RAB37: variants seen among roughly 807,000 people sequenced by gnomAD.
RAB37 encodes the protein ras-related protein Rab-37.
RAB37 carries 29 observed loss-of-function variants against 33.1 expected under a neutral mutation model. The ratio of observed to expected loss-of-function variants is 0.88; its 90% CI spans 0.65 to 1.20. The LOEUF (loss-of-function observed/expected upper bound fraction) is 1.20, where lower values mean the gene tolerates loss of function less well. Among genes scored for constraint, RAB37 ranks in the 50% most tolerant of loss-of-function variants. RAB37 has a pLI of 0.00. For missense variants in RAB37, 299 were observed against 301.1 expected, an observed-to-expected ratio of 0.99 and a Z score of 0.05; for synonymous variants, 128 against 119.5, an observed-to-expected ratio of 1.07 and a Z score of -0.47.
intron 1 of RAB37, among the ~76,000 whole-genome samples, chr17:74,740,130 T>C (rs1332482925): frequency 6.7e-6 from 1 of 148,464 alleles, no homozygotes; most frequent in Non-Finnish European, 1.5e-5. Flanking sequence ...CACTCCAGCC[T>C]GGGCAACAAG....
At chr17:74,695,095 G>A (rs1301029510) in intron 1 of RAB37, 1 of 1,613,114 alleles carries the variant, frequency 6.2e-7, no homozygotes, top group African/African-American at 1.3e-5. Flanking sequence ...TGGAGTGCAG[G>A]CTAAGGCCTG....
intron 1 of RAB37, among the ~76,000 whole-genome samples, chr17:74,708,083 A>C (rs555700698): frequency 6.6e-6 from 1 of 150,836 alleles, no homozygotes; most frequent in Non-Finnish European, 1.5e-5. Context: ...AGGAGGTGGA[A>C]GTTTCAGTGA....
At chr17:74,696,027 C>T (rs904403651) in intron 1 of RAB37, among the ~76,000 whole-genome samples, 4 of 152,162 alleles carry the variant, frequency 2.6e-5, no homozygotes, top group African/African-American at 9.7e-5. Context: ...GCCCTTGTCC[C>T]CCTGGCTGTT....
intron 1 of RAB37, among the ~76,000 whole-genome samples, chr17:74,721,719 A>T (rs539071964): frequency 1.3e-5 from 2 of 152,120 alleles, no homozygotes; most frequent in Non-Finnish European, 1.5e-5. Flanking sequence ...ATGAGCCACC[A>T]CGCCTGGTCC....
At chr17:74,737,811 C>T (rs1462325913) in intron 1 of RAB37, among the ~76,000 whole-genome samples, 2 of 152,186 alleles carry the variant, frequency 1.3e-5, no homozygotes, top group Non-Finnish European at 2.9e-5. Context: ...ATCTGACATC[C>T]AGGTTTAAGG....
chr17:74,685,848 A>G (rs569966032), intron 1 of RAB37, among the ~76,000 whole-genome samples: 6 of 152,320 alleles, frequency 3.9e-5, no homozygotes, highest in African/African-American at 1.4e-4. Flanking sequence ...CACAAAGTGG[A>G]TTCAAGACCC....
chr17:74,676,031 C>A lies in RAB37; in HGVS notation c.72+4373C>A, dbSNP rs2031825400. 6.6e-6 allele frequency among the ~76,000 whole-genome samples: 1 copy of A among 152,182 alleles called. No homozygotes were observed. Among genetic ancestry groups the A allele is most frequent in the Non-Finnish European group, 1.5e-5 (1 of 68,038 alleles). ...TTAGAGAACTCTCAGTTCTCTCTTG[C>A]CACCAGCTTCAAGAGCCATCCAGGG... is the stretch of plus-strand genomic sequence containing the variant. On this transcript the variant is annotated intron_variant, in intron 1 of 7. Transcript: ENST00000340415. This position sits in a 1 kb window ranked among gnomAD's most constrained non-coding sequence, Gnocchi z 4.1.
chr17:74,695,665 G>A (rs2032379755), intron 1 of RAB37: 2 of 1,610,452 alleles, frequency 1.2e-6, no homozygotes, highest in Non-Finnish European at 8.5e-7. Context: ...CCAACGGGGT[G>A]CAACGGCAGG....
upstream of RAB37, among the ~76,000 whole-genome samples, chr17:74,735,720 G>A (rs1041133811): frequency 1.3e-5 from 2 of 152,174 alleles, no homozygotes; most frequent in African/African-American, 4.8e-5. Flanking sequence ...TCCAGAAGAG[G>A]TAACCCAAGC....
chr17:74,741,129 G>C (rs561702007), intron 2 of RAB37, among the ~76,000 whole-genome samples: 2 of 152,206 alleles, frequency 1.3e-5, no homozygotes, highest in South Asian at 2.1e-4. Flanking sequence ...CCATTCCTGG[G>C]GGACTTCTCC....
At chr17:74,722,200 G>A (rs1003782806) in intron 1 of RAB37, among the ~76,000 whole-genome samples, 16 of 151,556 alleles carry the variant, frequency 1.1e-4, no homozygotes, top group Admixed American at 9.9e-4. Flanking sequence ...GGAGAATGGC[G>A]TGAACCCGGG....
intron 1 of RAB37, among the ~76,000 whole-genome samples, chr17:74,701,787 T>C (rs556067341): frequency 6.6e-5 from 10 of 150,514 alleles, no homozygotes; most frequent in Non-Finnish European, 1.0e-4. Flanking sequence ...GAGGTGGAAG[T>C]TGCAGTGAGC....
Position 74,744,741 on chromosome 17 carries a change from C to T in RAB37, c.433-132C>T, listed in dbSNP as rs907303738. The T allele has an allele frequency of 6.5e-6, 7 of 1,072,836 alleles. No homozygotes were observed. The African/African-American group carries it at 1.1e-4, about 17-fold the overall frequency. The allele number at this position is 1,072,836 out of a possible 1,614,324, so 66.5% of individuals were successfully genotyped here. ...CTACACTGGGCAGAAACCCTGGCCC[C>T]AGGCCAATCACACCTGCCTGCAGTC... On this transcript the variant is annotated intron_variant, in intron 6 of 8. Transcript: ENST00000392613. This position sits in a 1 kb window ranked among gnomAD's most constrained non-coding sequence, Gnocchi z 4.2.
Position 74,730,524 on chromosome 17 carries a change from C to G in RAB37, c.183+1158C>G, listed in dbSNP as rs575952049. Among the ~76,000 whole-genome samples the G allele has an allele frequency of 2.0e-5, 3 of 152,286 alleles. No homozygotes were observed. The South Asian group carries it at 6.2e-4, about 32-fold the overall frequency. On this transcript the variant is annotated intron_variant, in intron 2 of 7. Coordinates refer to the RAB37 transcript ENST00000340415. This position sits in a 1 kb window ranked among gnomAD's most constrained non-coding sequence, Gnocchi z 4.4. ...CCCTGAAACACCAGTTCCCAGGGCT[C>G]TCCCCAGACTGGGACCGGCTGGGCT...
chr17:74,692,396 GGAATGAT>G (rs1186905765), intron 1 of RAB37, among the ~76,000 whole-genome samples: 1 of 151,980 alleles, frequency 6.6e-6, no homozygotes, highest in Non-Finnish European at 1.5e-5. Context: ...GAAATTCTAG[GGAATGAT>G]CTTTGAGGTC....
At chr17:74,696,274 C>T (rs1490936462) in intron 1 of RAB37, 5 of 1,552,196 alleles carry the variant, frequency 3.2e-6, no homozygotes, top group South Asian at 1.2e-5. Flanking sequence ...CTCACAAGAA[C>T]CCCCAGGTCT....
rs59094915 is a variant in RAB37, at chr17:74,684,854, GAGATAGATAGATAGAT to G, written c.72+13229_72+13244del. ...CATGTGTTTATTTATACATATGTGT[GAGATAGATAGATAGAT>G]AGATAGATAGATAGATAGATAGATA... is the stretch of plus-strand genomic sequence containing the variant. On this transcript the variant is annotated intron_variant, in intron 1 of 7. Coordinates refer to the RAB37 transcript ENST00000340415. Among the ~76,000 whole-genome samples the G allele has an allele frequency of 7.1e-4, 106 of 149,112 alleles. 1 individual carries two copies. The highest frequency in any genetic ancestry group is 4.6e-3 in the East Asian group (23 of 5,048).
intron 1 of RAB37, among the ~76,000 whole-genome samples, chr17:74,708,809 G>C (rs895523052): frequency 1.4e-4 from 21 of 148,902 alleles, no homozygotes; most frequent in Non-Finnish European, 2.7e-4. Flanking sequence ...CCAGCTACTC[G>C]GAGGCTGAGG....
intron 1 of RAB37, among the ~76,000 whole-genome samples, chr17:74,727,590 A>T (rs982068127): frequency 6.6e-6 from 1 of 152,254 alleles, no homozygotes; most frequent in African/African-American, 2.4e-5. Context: ...AATTGCCTGT[A>T]GGAAGCATGA....
Sources: allele counts gnomAD v4.1 joint callset (sites outside exome capture counted in the v4.1 genomes callset), GRCh38; gene constraint gnomAD v4.1.1; non-coding constraint Gnocchi (gnomAD v3.1); transcripts MANE v1.5; gene names NCBI Gene and HGNC (gene_info 2026-07-23, HGNC 2026-07-21).